The following CRADD variants were observed in gnomAD, a reference collection of about 807,000 sequenced individuals.
CRADD encodes CARD and death domain containing adaptor protein, also known as death domain-containing protein CRADD.
CRADD carries 9 observed loss-of-function variants against 15.5 expected under a neutral mutation model. That is an observed-to-expected ratio of 0.58 (90% confidence interval 0.35 to 1.01). The LOEUF is 1.01. Among genes scored for constraint, CRADD ranks in the 50% least tolerant of loss-of-function variants. The pLI, the probability that CRADD is intolerant of heterozygous loss-of-function variation, is 0.02. For missense variants in CRADD, 227 were observed against 250.3 expected (o/e 0.91, Z 0.63); for synonymous variants, 118 against 107.6 (o/e 1.10, Z -0.60).
At chr12:93,682,718 C>T (rs147647660) in intron 2 of CRADD, among the ~76,000 whole-genome samples, 1 of 152,036 alleles carries the variant, frequency 6.6e-6, no homozygotes, top group Admixed American at 6.6e-5. Context: ...CTTCTGAACG[C>T]CACCCCCATC....
chr12:93,833,891 G>GA (rs1247867827), intron 2 of CRADD, among the ~76,000 whole-genome samples: 4 of 152,148 alleles, frequency 2.6e-5, no homozygotes, highest in African/African-American at 9.6e-5. Flanking sequence ...CCTCTTCTGG[G>GA]ATATAGGAGA....
chr12:93,811,056 C>G (rs549181956), intron 2 of CRADD, among the ~76,000 whole-genome samples: 28 of 152,274 alleles, frequency 1.8e-4, no homozygotes, highest in South Asian at 8.3e-4. Context: ...CTTAGCCCCC[C>G]CTCCTGGAAC....
intron 2 of CRADD, among the ~76,000 whole-genome samples, chr12:93,834,629 C>G (rs958125145): frequency 1.3e-5 from 2 of 152,168 alleles, no homozygotes; most frequent in African/African-American, 2.4e-5. Context: ...GCTGGGACTA[C>G]AGGCCTGCGC....
At chr12:93,687,448 T>C (rs928392940) in intron 2 of CRADD, among the ~76,000 whole-genome samples, 1 of 152,166 alleles carries the variant, frequency 6.6e-6, no homozygotes, top group Admixed American at 6.5e-5. Context: ...CTACTCCAGG[T>C]GAATCCATTA....
chr12:93,780,661 G>A (rs60420279), intron 2 of CRADD, among the ~76,000 whole-genome samples: 7,548 of 152,074 alleles, frequency 0.05, 470 homozygotes, highest in Admixed American at 0.13. Flanking sequence ...TTATTGAAGA[G>A]CCACAGTGTG....
chr12:93,852,579 C>T (rs1055645877), downstream of CRADD, among the ~76,000 whole-genome samples: 21 of 152,218 alleles, frequency 1.4e-4, no homozygotes, highest in African/African-American at 5.1e-4. Context: ...AAGAACAGAG[C>T]AGCTGAATCC....
At chr12:93,723,874 C>T (rs189749847) in intron 2 of CRADD, among the ~76,000 whole-genome samples, 1 of 152,204 alleles carries the variant, frequency 6.6e-6, no homozygotes, top group African/African-American at 2.4e-5. Flanking sequence ...TTCTGTTCAT[C>T]ACATGGAAGG....
At chr12:93,685,440 C>G (rs545851120) in intron 2 of CRADD, among the ~76,000 whole-genome samples, 73 of 152,172 alleles carry the variant, frequency 4.8e-4, no homozygotes, top group African/African-American at 1.7e-3. Context: ...TTTGAATATT[C>G]CCAGCACAAA....
intron 2 of CRADD, among the ~76,000 whole-genome samples, chr12:93,874,472 A>AT (rs1294922838): frequency 6.6e-6 from 1 of 150,924 alleles, no homozygotes; most frequent in Admixed American, 6.6e-5. Context: ...TCTTCTACCA[A>AT]TTTTGGGTTT....
rs78323475 is a variant in CRADD, at chr12:93,780,018, T to C, written c.299-69952T>C. Reference sequence around the variant, plus strand: ...AGTGGCGTAAACCGGTAAGAAAATATCTGCAAAGCACAAGTTCATACTGAG... The same window carrying C: ...AGTGGCGTAAACCGGTAAGAAAATACCTGCAAAGCACAAGTTCATACTGAG... On this transcript the variant is annotated intron_variant, in intron 2 of 2. Transcript: ENST00000332896. Among the ~76,000 whole-genome samples the C allele has an allele frequency of 2.8e-3, 422 of 152,288 alleles. 2 individuals are homozygous for C. Among genetic ancestry groups the C allele is most frequent in the African/African-American group, 8.7e-3 (360 of 41,544 alleles).
intron 2 of CRADD, among the ~76,000 whole-genome samples, chr12:93,777,017 T>C (rs1957147352): frequency 6.6e-6 from 1 of 152,200 alleles, no homozygotes; most frequent in African/African-American, 2.4e-5. Flanking sequence ...TTTAAATGGG[T>C]GAATTTTACA....
chr12:93,869,438 A>G (rs1958399733), intron 2 of CRADD, among the ~76,000 whole-genome samples: 1 of 152,178 alleles, frequency 6.6e-6, no homozygotes, highest in African/African-American at 2.4e-5. Context: ...ATAAAAGGAT[A>G]CCCACAAACA....
At chr12:93,872,187 C>G (rs767850543) in intron 2 of CRADD, among the ~76,000 whole-genome samples, 4 of 152,066 alleles carry the variant, frequency 2.6e-5, no homozygotes, top group Non-Finnish European at 5.9e-5. Context: ...TTTTCATATG[C>G]CTGTTTGCCA....
chr12:93,686,304 C>CAAAAAAAAAAAAAAAAAAAAAAA (rs59096792), intron 2 of CRADD, among the ~76,000 whole-genome samples: 83 of 65,952 alleles, frequency 1.3e-3, no homozygotes, highest in Non-Finnish European at 1.8e-3. Context: ...CCATCCCCCC[C>CAAAAAAAAAAAAAAAAAAAAAAA]AAAAAAAAAA....
chr12:93,815,879 C>A (rs1957691178), intron 2 of CRADD: 1 of 152,086 alleles, frequency 6.6e-6, no homozygotes, highest in African/African-American at 2.4e-5. Context: ...TTACAAAGGC[C>A]CAGGAATAGC....
At chr12:93,773,164 G>A (rs963634934) in intron 2 of CRADD, among the ~76,000 whole-genome samples, 1 of 152,162 alleles carries the variant, frequency 6.6e-6, no homozygotes. Flanking sequence ...TATGTCTTAC[G>A]TAAGTCAGAG....
In CRADD at chr12:93,829,681, T is replaced by A. The variant is rs555168116; in HGVS notation, c.299-20289T>A. On this transcript the variant is annotated intron_variant, in intron 2 of 2. Coordinates refer to ENST00000332896, the MANE Select transcript of CRADD (RefSeq NM_003805.5). ...AGCTCTTTCATCAGCTCCCTAAAGTTTTGGTTTTTTGTTGTTGTTGTTGTT... is the reference window on the plus strand; with the variant it reads ...AGCTCTTTCATCAGCTCCCTAAAGTATTGGTTTTTTGTTGTTGTTGTTGTT... 2.7e-5 allele frequency among the ~76,000 whole-genome samples: 4 copies of A among 146,450 alleles called. No individual in the cohort carries two copies. In the East Asian group the frequency reaches 7.8e-4, roughly 28 times the overall value.
chr12:93,865,217 G>A (rs1308865065), intron 2 of CRADD, among the ~76,000 whole-genome samples: 2 of 152,060 alleles, frequency 1.3e-5, no homozygotes, highest in African/African-American at 4.8e-5. Context: ...CTAGGGTGAT[G>A]CCCCATGTAT....
At chr12:93,760,657 G>A (rs958464513) in intron 2 of CRADD, among the ~76,000 whole-genome samples, 8 of 152,026 alleles carry the variant, frequency 5.3e-5, no homozygotes, top group African/African-American at 1.2e-4. Flanking sequence ...ATTTAAGGGC[G>A]CTTGTCTTCA....
Sources: gnomAD v4.1 joint callset for allele counts (sites outside exome capture counted in the v4.1 genomes callset) on GRCh38, gnomAD v4.1.1 for gene constraint, MANE v1.5 for transcripts, NCBI Gene and HGNC (gene_info 2026-07-23, HGNC 2026-07-21) for gene names.